The following ARHGAP24 variants were observed in gnomAD, a reference collection of about 807,000 sequenced individuals.
The protein encoded by ARHGAP24 is rho GTPase-activating protein 24.
Under a neutral mutation model 76.4 loss-of-function variants are expected in ARHGAP24, and 50 were observed. The ratio of observed to expected loss-of-function variants is 0.65; its 90% CI spans 0.52 to 0.83. The LOEUF is 0.83. ARHGAP24 is among the 40% of genes least tolerant of loss of function. The pLI is 0.00. For synonymous variants in ARHGAP24, 345 were observed against 323.3 expected (o/e 1.07, Z -0.72); for missense variants, 930 against 914.2 (o/e 1.02, Z -0.22).
intron 2 of ARHGAP24, among the ~76,000 whole-genome samples, chr4:85,591,192 G>A (rs1191706437): frequency 1.3e-5 from 2 of 151,878 alleles, no homozygotes; most frequent in African/African-American, 4.8e-5. Context: ...CTACAGGCAT[G>A]GCGCCACCAT....
intron 1 of ARHGAP24, among the ~76,000 whole-genome samples, chr4:85,502,621 T>C (rs1723867147): frequency 6.6e-6 from 1 of 152,196 alleles, no homozygotes. Context: ...GATTTTGGGC[T>C]CAGAAGGTGG....
intron 3 of ARHGAP24, among the ~76,000 whole-genome samples, chr4:85,754,293 G>A (rs1019057306): frequency 7.9e-5 from 12 of 152,196 alleles, no homozygotes; most frequent in Non-Finnish European, 1.6e-4. Context: ...ATATTCCATT[G>A]TGTACAGATA....
intron 8 of ARHGAP24, among the ~76,000 whole-genome samples, chr4:85,986,671 C>G (rs980635192): frequency 6.6e-6 from 1 of 152,132 alleles, no homozygotes; most frequent in Non-Finnish European, 1.5e-5. Flanking sequence ...GTCCAGAAAT[C>G]TACGGAGAGT....
At position 85,675,815 on chromosome 4, in the gene ARHGAP24, A is replaced by G. The variant is rs569799370; in HGVS notation, c.181-46070A>G. On this transcript the variant is annotated intron_variant, in intron 2 of 9. Coordinates refer to ENST00000395184, the MANE Select transcript of ARHGAP24 (RefSeq NM_001025616.3). ...TTGTTTGAACATTCCTCTGATGTTT[A>G]TGTGCTCCTATCCACTCAAAGTCAT... Among the ~76,000 whole-genome samples, 232 of 152,268 alleles carry G rather than the reference A, an allele frequency of 1.5e-3. 1 individual carries two copies. Among genetic ancestry groups the G allele is most frequent in the Non-Finnish European group, 1.0e-3 (69 of 68,012 alleles).
chr4:85,761,081 A>G (rs545203077), intron 3 of ARHGAP24, among the ~76,000 whole-genome samples: 1 of 152,238 alleles, frequency 6.6e-6, no homozygotes, highest in Admixed American at 6.5e-5. Flanking sequence ...AATGAGGAAA[A>G]CATTAGTCTG....
At chr4:85,714,365 T>A (rs1276009202) in intron 2 of ARHGAP24, among the ~76,000 whole-genome samples, 4 of 152,150 alleles carry the variant, frequency 2.6e-5, no homozygotes, top group Non-Finnish European at 5.9e-5. Context: ...TCTGAATACC[T>A]GTAATATTAA....
intron 2 of ARHGAP24, among the ~76,000 whole-genome samples, chr4:85,641,141 G>A (rs941773148): frequency 1.3e-5 from 2 of 152,026 alleles, no homozygotes; most frequent in Non-Finnish European, 2.9e-5. Flanking sequence ...CTATCACTCA[G>A]GCTAGAGTGC....
intron 8 of ARHGAP24, among the ~76,000 whole-genome samples, chr4:85,980,486 T>C (rs1052008870): frequency 5.3e-5 from 8 of 152,214 alleles, no homozygotes; most frequent in Admixed American, 3.9e-4. Flanking sequence ...CACAGTAGTC[T>C]CAGGATAACA....
At chr4:85,643,229 T>A (rs1333428143) in intron 2 of ARHGAP24, among the ~76,000 whole-genome samples, 1 of 103,890 alleles carries the variant, frequency 9.6e-6, no homozygotes, top group African/African-American at 3.6e-5. Flanking sequence ...TTTCCGTTTT[T>A]TTGTGTTTTT....
chr4:85,980,412 A>T (rs190898678), intron 8 of ARHGAP24, among the ~76,000 whole-genome samples: 5 of 152,296 alleles, frequency 3.3e-5, no homozygotes, highest in Admixed American at 3.3e-4. Flanking sequence ...GTTTGCAAAG[A>T]CACTGAGGAT....
chr4:85,803,719 G>A (rs950611293), intron 3 of ARHGAP24, among the ~76,000 whole-genome samples: 8 of 152,140 alleles, frequency 5.3e-5, no homozygotes, highest in Admixed American at 1.3e-4. Context: ...GATTTACAGG[G>A]CAGTTCACAC....
At chr4:85,707,993 A>C (rs1218614597) in intron 2 of ARHGAP24, among the ~76,000 whole-genome samples, 1 of 152,146 alleles carries the variant, frequency 6.6e-6, no homozygotes, top group Non-Finnish European at 1.5e-5. Context: ...GAGAGAGCTG[A>C]GGAAATTGCT....
intron 3 of ARHGAP24, among the ~76,000 whole-genome samples, chr4:85,896,540 ATTC>A (rs1295449382): frequency 1.3e-5 from 2 of 152,174 alleles, no homozygotes; most frequent in African/African-American, 4.8e-5. Flanking sequence ...AGGATGCTGG[ATTC>A]TTCTTCTTGA....
chr4:85,608,467 A>G (rs753887090), intron 2 of ARHGAP24, among the ~76,000 whole-genome samples: 1 of 151,928 alleles, frequency 6.6e-6, no homozygotes, highest in Non-Finnish European at 1.5e-5. Context: ...TTTACATATA[A>G]ACATAAACAA....
intron 1 of ARHGAP24, among the ~76,000 whole-genome samples, chr4:85,547,121 G>A (rs893479086): frequency 6.6e-6 from 1 of 151,920 alleles, no homozygotes; most frequent in African/African-American, 2.4e-5. Flanking sequence ...TCATCTATTT[G>A]CCCTATATTG....
At position 85,488,270 on chromosome 4, in the gene ARHGAP24, A is replaced by G. The variant is rs568135766; in HGVS notation, c.-21+12711A>G. Among the ~76,000 whole-genome samples the G allele has an allele frequency of 7.9e-5, 12 of 151,926 alleles. No individual in the cohort carries two copies. The East Asian group carries it at 2.1e-3, about 27-fold the overall frequency. On this transcript the variant is annotated intron_variant, in intron 1 of 9. Coordinates refer to ENST00000395184, the MANE Select transcript of ARHGAP24 (RefSeq NM_001025616.3). ...CTTAACACCTCCTGTGGAGAGGGGGAAAAGGGAGGTGTAATTTAAATGTAT... is the reference window on the plus strand; with the variant it reads ...CTTAACACCTCCTGTGGAGAGGGGGGAAAGGGAGGTGTAATTTAAATGTAT...
chr4:85,647,580 A>G (rs1721771134), intron 2 of ARHGAP24, among the ~76,000 whole-genome samples: 1 of 152,158 alleles, frequency 6.6e-6, no homozygotes, highest in Non-Finnish European at 1.5e-5. Context: ...TAAAATCAAT[A>G]GGAAATTATA....
At chr4:85,895,447 G>A (rs919026241) in intron 3 of ARHGAP24, among the ~76,000 whole-genome samples, 1 of 152,062 alleles carries the variant, frequency 6.6e-6, no homozygotes, top group African/African-American at 2.4e-5. Context: ...GACACTCATG[G>A]AAGGCACTCA....
intron 2 of ARHGAP24, among the ~76,000 whole-genome samples, chr4:85,680,727 G>A (rs1723174197): frequency 6.6e-6 from 1 of 150,712 alleles, no homozygotes; most frequent in Admixed American, 6.6e-5. Flanking sequence ...CCAAACCCAT[G>A]TGCCTGGATG....
Sources: allele counts gnomAD v4.1 joint callset (sites outside exome capture counted in the v4.1 genomes callset), GRCh38; gene constraint gnomAD v4.1.1; transcripts MANE v1.5; gene names NCBI Gene and HGNC (gene_info 2026-07-23, HGNC 2026-07-21).